ACVR2A: variants seen among roughly 807,000 people sequenced by gnomAD.
ACVR2A encodes the protein activin receptor type-2A.
A neutral mutation model predicts 61.4 loss-of-function variants in ACVR2A; 7 were observed. That is an observed-to-expected ratio of 0.11 (90% CI 0.06 to 0.21). The LOEUF (loss-of-function observed/expected upper bound fraction) is 0.21. ACVR2A is among the 10% of genes least tolerant of loss of function. The pLI is 1.00. For missense variants in ACVR2A, 322 were observed against 621.7 expected, an observed-to-expected ratio of 0.52 and a Z score of 5.13; for synonymous variants, 193 against 208.3, an observed-to-expected ratio of 0.93 and a Z score of 0.63.
intron 1 of ACVR2A, among the ~76,000 whole-genome samples, chr2:147,857,281 C>T (rs968991042): frequency 6.6e-6 from 1 of 152,050 alleles, no homozygotes. Flanking sequence ...ACTGTAGTTT[C>T]TAGTTAGTCT....
intron 1 of ACVR2A, among the ~76,000 whole-genome samples, chr2:147,878,604 A>G (rs753388817): frequency 1.3e-5 from 2 of 151,992 alleles, no homozygotes; most frequent in South Asian, 4.1e-4. Flanking sequence ...ATTTTTAGAG[A>G]AAGGTTATTA....
intron 1 of ACVR2A, among the ~76,000 whole-genome samples, chr2:147,873,784 A>G (rs762324908): frequency 1.3e-5 from 2 of 152,002 alleles, no homozygotes; most frequent in South Asian, 2.1e-4. Flanking sequence ...TTAATATTCT[A>G]TGACAAGGCC....
Position 147,929,112 on chromosome 2 carries a change from A to T in ACVR2A, c.*1838A>T, listed in dbSNP as rs1391481043. 1 of 152,402 alleles carries T rather than the reference A, an allele frequency of 6.6e-6. No individual in the cohort carries two copies. Among genetic ancestry groups the T allele is most frequent in the Non-Finnish European group, 1.5e-5 (1 of 67,956 alleles). The allele number at this position is 152,402 out of a possible 1,614,324, so 9.4% of individuals were successfully genotyped here. ...AAGCAGGGAGGAAAAGAAGAGTAAT[A>T]GCGTCTGTGTGCTGCAGACCATTCA... is the stretch of plus-strand genomic sequence containing the variant. On this transcript the variant is annotated 3_prime_UTR_variant, in exon 11 of 11. Coordinates refer to ENST00000241416, the MANE Select transcript of ACVR2A (RefSeq NM_001616.5).
At chr2:147,851,154 G>A (rs1413366677) in intron 1 of ACVR2A, among the ~76,000 whole-genome samples, 1 of 152,050 alleles carries the variant, frequency 6.6e-6, no homozygotes, top group Non-Finnish European at 1.5e-5. Context: ...ATCTGAATAT[G>A]TTACCCTTGC....
In ACVR2A at chr2:147,873,985, T is replaced by A. The variant is rs144747218; in HGVS notation, c.56-22316T>A. 1.1e-3 allele frequency among the ~76,000 whole-genome samples: 167 copies of A among 152,036 alleles called. 1 individual carries two copies. In the East Asian group the frequency reaches 0.016, roughly 14 times the overall value. On this transcript the variant is annotated intron_variant, in intron 1 of 10. Transcript: ENST00000241416. ...ATAGCAGCGTGGCATGGAGGATGAA[T>A]TATGCTAATATAGTAGAGAGGAAGA...
At chr2:147,926,942 T>C in intron 10 of ACVR2A, 138 bp from the exon 11 acceptor site, 2 of 767,080 alleles carry the variant, frequency 2.6e-6, no homozygotes, top group Non-Finnish European at 4.2e-6. Context: ...ATTCTGCACA[T>C]GGTAGTCAAT....
chr2:147,872,566 A>G (rs1686048599), intron 1 of ACVR2A, among the ~76,000 whole-genome samples: 1 of 149,854 alleles, frequency 6.7e-6, no homozygotes, highest in African/African-American at 2.5e-5. Flanking sequence ...CCTTTGACAT[A>G]CAGGCTACTA....
chr2:147,914,010 C>G (rs1357870490), intron 4 of ACVR2A, among the ~76,000 whole-genome samples: 2 of 151,804 alleles, frequency 1.3e-5, no homozygotes, highest in Non-Finnish European at 2.9e-5. Context: ...GAGGTTCTTT[C>G]TAGTACACAG....
At position 147,878,348 on chromosome 2, in the gene ACVR2A, A is replaced by G. The variant is rs571735406; in HGVS notation, c.56-17953A>G. Among the ~76,000 whole-genome samples, 22 of 152,290 alleles carry G rather than the reference A, an allele frequency of 1.4e-4. No individual in the cohort carries two copies. In the East Asian group the frequency reaches 3.7e-3, roughly 25 times the overall value. On this transcript the variant is annotated intron_variant, in intron 1 of 10. Coordinates refer to ENST00000241416, the MANE Select transcript of ACVR2A (RefSeq NM_001616.5). The stretch of plus-strand genomic sequence containing the variant: ...TTCTTTTATAGTACTTACGTAAGCC[A>G]GTATCGAAAACAACTTTGGTGATTG...
intron 1 of ACVR2A, among the ~76,000 whole-genome samples, chr2:147,852,662 G>A (rs72853844): frequency 2.0e-5 from 3 of 152,156 alleles, no homozygotes; most frequent in South Asian, 2.1e-4. Flanking sequence ...ACACGAAGGC[G>A]CTGAAACAAC....
At chr2:147,856,762 CA>C (rs1360318341) in intron 1 of ACVR2A, among the ~76,000 whole-genome samples, 4 of 152,078 alleles carry the variant, frequency 2.6e-5, no homozygotes, top group Admixed American at 2.6e-4. Flanking sequence ...TAGAATAAAA[CA>C]CCTTTCTGAA....
At chr2:147,876,915 A>T (rs558712739) in intron 1 of ACVR2A, among the ~76,000 whole-genome samples, 2 of 152,206 alleles carry the variant, frequency 1.3e-5, no homozygotes, top group South Asian at 4.2e-4. Flanking sequence ...TGTCTTCTAT[A>T]TGTTGCTCCT....
At chr2:147,862,378 T>G (rs1685746641) in intron 1 of ACVR2A, among the ~76,000 whole-genome samples, 1 of 152,012 alleles carries the variant, frequency 6.6e-6, no homozygotes, top group Non-Finnish European at 1.5e-5. Flanking sequence ...AATTTGTAGG[T>G]AAATCCTGCC....
At chr2:147,889,601 G>T (rs1326546597) in intron 1 of ACVR2A, among the ~76,000 whole-genome samples, 1 of 151,934 alleles carries the variant, frequency 6.6e-6, no homozygotes, top group Non-Finnish European at 1.5e-5. Flanking sequence ...AAAAAAATTA[G>T]CCAAGCTTGG....
rs758249212 is a variant in ACVR2A, at chr2:147,917,442, G to A, written c.816+16G>A. ...TCATGAAAAGGTAAAACTACTTAACGTTTTACTTTAGTAAAGTCTGAGTTG... is the reference window on the plus strand; with the variant it reads ...TCATGAAAAGGTAAAACTACTTAACATTTTACTTTAGTAAAGTCTGAGTTG... On this transcript the variant is annotated intron_variant, in intron 6 of 10. Coordinates refer to ENST00000241416, the MANE Select transcript of ACVR2A (RefSeq NM_001616.5). 12 of 1,608,946 alleles carry A rather than the reference G, an allele frequency of 7.5e-6. No individual in the cohort carries two copies. The African/African-American group carries it at 9.4e-5, about 13-fold the overall frequency.
chr2:147,880,721 A>T (rs1014922838), intron 1 of ACVR2A, among the ~76,000 whole-genome samples: 1 of 152,172 alleles, frequency 6.6e-6, no homozygotes, highest in East Asian at 1.9e-4. Context: ...CTTTGGAATT[A>T]CTTTTTTACT....
intron 1 of ACVR2A, among the ~76,000 whole-genome samples, chr2:147,867,807 T>C (rs2105153056): frequency 6.6e-6 from 1 of 152,276 alleles, no homozygotes; most frequent in East Asian, 1.9e-4. Flanking sequence ...GATTATTCTT[T>C]TCCAGCTTCA....
At chr2:147,921,793 AT>A (rs1687387384) in intron 8 of ACVR2A, among the ~76,000 whole-genome samples, 1 of 152,110 alleles carries the variant, frequency 6.6e-6, no homozygotes, top group African/African-American at 2.4e-5. Context: ...GAGAAAAAAA[AT>A]TTCTGACTCA....
Position 147,845,185 on chromosome 2 carries a change from C to T in ACVR2A, c.33C>T (p.Val11=), listed in dbSNP as rs1201535777. 1 of 1,613,064 alleles carries T rather than the reference C, an allele frequency of 6.2e-7. No homozygotes were observed. The highest frequency in any genetic ancestry group is 1.7e-5 in the Admixed American group (1 of 59,972). ...CTGCTGCAAAGTTGGCGTTTGCCGT[C>T]TTTCTTATCTCCTGTTCTTCAGGTA... The part of the protein sequence containing the change: MGAAAKLAFA[V]FLISCSSGAI... The change falls in exon 1 of 11, where the codon GTC becomes GTT. Residue 11 remains valine, a synonymous_variant. Coordinates refer to ENST00000241416, the MANE Select transcript of ACVR2A (RefSeq NM_001616.5).
Sources: allele counts gnomAD v4.1 joint callset (sites outside exome capture counted in the v4.1 genomes callset), GRCh38; gene constraint gnomAD v4.1.1; transcripts MANE v1.5; gene names NCBI Gene and HGNC (gene_info 2026-07-23, HGNC 2026-07-21).